Variants in DDAH1 observed in about 807,000 individuals in gnomAD.
The protein encoded by DDAH1 is dimethylarginine dimethylaminohydrolase 1.
In DDAH1, 19 loss-of-function variants were observed where a neutral mutation model predicts 28.8. That is an observed-to-expected ratio of 0.66 (90% confidence interval 0.46 to 0.97). The LOEUF (loss-of-function observed/expected upper bound fraction) is 0.97. DDAH1 is among the 50% of genes least tolerant of loss of function. DDAH1 has a pLI of 0.00. For synonymous variants in DDAH1, 153 were observed against 154.4 expected, an observed-to-expected ratio of 0.99 and a Z score of 0.07; for missense variants, 326 against 375.9, an observed-to-expected ratio of 0.87 and a Z score of 1.10.
At chr1:85,458,781 T>C (rs12568675) in intron 1 of DDAH1, among the ~76,000 whole-genome samples, 14,063 of 152,188 alleles carry the variant, frequency 0.092, 877 homozygotes, top group East Asian at 0.23. Flanking sequence ...TGTAAGTAAA[T>C]ATTTATGGAC....
chr1:85,430,265 T>C (rs1653613108), intron 1 of DDAH1, among the ~76,000 whole-genome samples: 1 of 152,190 alleles, frequency 6.6e-6, no homozygotes. Flanking sequence ...TATATCTCTG[T>C]TTTGGTACTA....
chr1:85,563,141 G>A (rs929719307), intron 1 of DDAH1, among the ~76,000 whole-genome samples: 1 of 152,152 alleles, frequency 6.6e-6, no homozygotes, highest in Non-Finnish European at 1.5e-5. Flanking sequence ...GTCTCCCTGG[G>A]TTGATGAGAG....
At chr1:85,375,119 G>C (rs985057955) in intron 1 of DDAH1, among the ~76,000 whole-genome samples, 7 of 152,132 alleles carry the variant, frequency 4.6e-5, no homozygotes, top group East Asian at 1.9e-4. Flanking sequence ...ATCAACCAGA[G>C]ATAGAACAAA....
intron 4 of DDAH1, among the ~76,000 whole-genome samples, chr1:85,328,500 G>A (rs1333824867): frequency 6.6e-6 from 1 of 152,176 alleles, no homozygotes; most frequent in Non-Finnish European, 1.5e-5. Context: ...CAGGGAATGG[G>A]ATTCCACTAT....
intron 2 of DDAH1, chr1:85,495,912 A>G (rs1446570900): frequency 6.6e-6 from 1 of 152,232 alleles, no homozygotes; most frequent in Non-Finnish European, 1.5e-5. Context: ...TGGCTTAAAG[A>G]ATAAAGGAAA....
intron 2 of DDAH1, among the ~76,000 whole-genome samples, chr1:85,483,254 C>T (rs1656073204): frequency 6.7e-6 from 1 of 149,280 alleles, no homozygotes; most frequent in Non-Finnish European, 1.5e-5. Context: ...AATAACATTC[C>T]CCTTATTTTG....
At chr1:85,427,762 A>G in intron 1 of DDAH1, among the ~76,000 whole-genome samples, 1 of 152,190 alleles carries the variant, frequency 6.6e-6, no homozygotes. Context: ...TTGCATTAGG[A>G]GCCCCTGATA....
intron 4 of DDAH1, among the ~76,000 whole-genome samples, chr1:85,328,893 A>C (rs1213880382): frequency 6.6e-6 from 1 of 152,212 alleles, no homozygotes; most frequent in East Asian, 1.9e-4. Flanking sequence ...CACCACTCAT[A>C]ATCACCAGAT....
At chr1:85,446,479 G>C (rs957066053) in intron 1 of DDAH1, among the ~76,000 whole-genome samples, 1 of 152,068 alleles carries the variant, frequency 6.6e-6, no homozygotes. Context: ...AGGGACATAA[G>C]GCCTAACCAT....
rs143472032 is a variant in DDAH1 at position 85,329,969 on chromosome 1, A to G, written c.598-5086T>C. 1.1e-3 allele frequency among the ~76,000 whole-genome samples: 170 copies of G among 152,368 alleles called. 2 individuals are homozygous for G. In the East Asian group the frequency reaches 0.028, roughly 25 times the overall value. ...TGCTAAAGGTGCTTATTATAAACACAAAGAGATTTTGTCTTTCGAGGCAAA... is the reference window on the plus strand; with the variant it reads ...TGCTAAAGGTGCTTATTATAAACACGAAGAGATTTTGTCTTTCGAGGCAAA... On this transcript the variant is annotated intron_variant, in intron 4 of 5. Transcript: ENST00000284031.
At chr1:85,458,670 G>T (rs1386939328) in intron 1 of DDAH1, among the ~76,000 whole-genome samples, 1 of 152,038 alleles carries the variant, frequency 6.6e-6, no homozygotes, top group African/African-American at 2.4e-5. Context: ...AGCCTGAGAT[G>T]TCTGACAGAT....
At position 85,465,052 on chromosome 1, in the gene DDAH1, G is replaced by T. The variant is rs1229801604; in HGVS notation, c.-7C>A. ...GGTGGCCGAGCCCGGCCATGGCTTC[G>T]GGAGGCTTAGGGGCGGCGGCGGCGG... On this transcript the variant is annotated 5_prime_UTR_variant, in exon 1 of 6. Transcript: ENST00000284031. 7.8e-7 allele frequency: 1 copy of T among 1,289,724 alleles called. No individual in the cohort carries two copies. Among genetic ancestry groups the T allele is most frequent in the Non-Finnish European group, 9.8e-7 (1 of 1,021,542 alleles). The allele number at this position is 1,289,724 out of a possible 1,614,324, so 79.9% of individuals were successfully genotyped here. A position where few individuals can be genotyped will look rare whatever the true frequency, so the allele number is the denominator to read the frequency against.
intron 1 of DDAH1, among the ~76,000 whole-genome samples, chr1:85,384,923 T>C (rs1054289762): frequency 3.9e-5 from 6 of 152,210 alleles, no homozygotes; most frequent in African/African-American, 1.4e-4. Flanking sequence ...TTACTTAAAA[T>C]GCTAAGCTCT....
intron 4 of DDAH1, among the ~76,000 whole-genome samples, chr1:85,342,062 C>T (rs1648524652): frequency 6.6e-6 from 1 of 152,202 alleles, no homozygotes; most frequent in African/African-American, 2.4e-5. Flanking sequence ...GAAGGAACAA[C>T]ACTCTCGATT....
At chr1:85,517,772 CAA>C (rs1491549406) in intron 1 of DDAH1, among the ~76,000 whole-genome samples, 1 of 152,180 alleles carries the variant, frequency 6.6e-6, no homozygotes, top group Admixed American at 6.5e-5. Flanking sequence ...CCAGGAGAAA[CAA>C]AGACAGAATA....
intron 1 of DDAH1, among the ~76,000 whole-genome samples, chr1:85,512,602 C>T (rs1657286556): frequency 1.3e-5 from 2 of 152,176 alleles, no homozygotes; most frequent in Admixed American, 6.5e-5. Flanking sequence ...TAGAAAACCC[C>T]ATCGTCTCAG....
rs1234479052 is a variant in DDAH1 at position 85,465,078 on chromosome 1, C to T, written c.-33G>A. ...GGAGGCTTAGGGGCGGCGGCGGCGG[C>T]GGAGGCGGCCGGGTCCTGCCGCGGG... On this transcript the variant is annotated 5_prime_UTR_variant, in exon 1 of 6. Transcript: ENST00000284031. 4.1e-6 allele frequency: 5 copies of T among 1,215,288 alleles called. No individual in the cohort carries two copies. The highest frequency in any genetic ancestry group is 8.1e-5 in the South Asian group (2 of 24,806). 75.3% of individuals were successfully genotyped at this position (1,215,288 alleles called of 1,614,324 possible).
At chr1:85,551,296 A>G (rs1658781646) in intron 1 of DDAH1, among the ~76,000 whole-genome samples, 1 of 152,200 alleles carries the variant, frequency 6.6e-6, no homozygotes, top group African/African-American at 2.4e-5. Flanking sequence ...CCTCTGGGAA[A>G]CGGATTGTTA....
chr1:85,533,573 G>A (rs1457250084), intron 1 of DDAH1, among the ~76,000 whole-genome samples: 1 of 152,114 alleles, frequency 6.6e-6, no homozygotes, highest in Non-Finnish European at 1.5e-5. Flanking sequence ...AGGTAAAAAT[G>A]ATAATTTAAT....
Sources: allele counts gnomAD v4.1 joint callset (sites outside exome capture counted in the v4.1 genomes callset), GRCh38; gene constraint gnomAD v4.1.1; transcripts MANE v1.5; gene names NCBI Gene and HGNC (gene_info 2026-07-23, HGNC 2026-07-21).